RPS6KC1: variants seen among roughly 807,000 people sequenced by gnomAD.
The protein encoded by RPS6KC1 is ribosomal protein S6 kinase C1.
Under a neutral mutation model 103.8 loss-of-function variants are expected in RPS6KC1, and 54 were observed. That is an observed-to-expected ratio of 0.52 (90% CI 0.42 to 0.65). The LOEUF (loss-of-function observed/expected upper bound fraction) is 0.65. Among genes scored for constraint, RPS6KC1 ranks in the 30% least tolerant of loss-of-function variants. The pLI is 0.00. For synonymous variants in RPS6KC1, 439 were observed against 438.7 expected, an observed-to-expected ratio of 1.00 and a Z score of -0.01; for missense variants, 1,151 against 1,253.8, an observed-to-expected ratio of 0.92 and a Z score of 1.24.
At chr1:213,809,383 G>A in the RPS6KC1 span, among the ~76,000 whole-genome samples, 2 of 152,056 alleles carry the variant, frequency 1.3e-5, no homozygotes, top group African/African-American at 2.4e-5. Flanking sequence ...CAGATATAAC[G>A]ATAATTTAAA....
intron 8 of RPS6KC1, among the ~76,000 whole-genome samples, chr1:213,190,164 A>G (rs2092697637): frequency 6.6e-6 from 1 of 152,168 alleles, no homozygotes; most frequent in Admixed American, 6.6e-5. Context: ...TTTTGGGTAT[A>G]TACCTAAGAG....
chr1:213,130,026 A>G (rs2085427200), intron 6 of RPS6KC1, 137 bp downstream of exon 6: 2 of 768,744 alleles, frequency 2.6e-6, no homozygotes, highest in African/African-American at 1.8e-5. Context: ...TAAAAGACCT[A>G]TATATGGATA....
At chr1:213,093,208 CTTTTT>C (rs778283618) in intron 3 of RPS6KC1, among the ~76,000 whole-genome samples, 2 of 136,222 alleles carry the variant, frequency 1.5e-5, no homozygotes, top group Non-Finnish European at 3.2e-5. Context: ...TAATAATCTA[CTTTTT>C]TTTTTTTTTT....
chr1:213,805,454 T>A, the RPS6KC1 span, among the ~76,000 whole-genome samples: 1 of 152,238 alleles, frequency 6.6e-6, no homozygotes. Context: ...CAGGAGTAGA[T>A]TTCATCTCAA....
the RPS6KC1 span, among the ~76,000 whole-genome samples, chr1:213,396,108 G>A: frequency 6.6e-6 from 1 of 152,326 alleles, no homozygotes; most frequent in Non-Finnish European, 1.5e-5. Flanking sequence ...ACCATGCAGT[G>A]AGTTGGAGGC....
chr1:213,688,345 C>T, the RPS6KC1 span, among the ~76,000 whole-genome samples: 2 of 152,156 alleles, frequency 1.3e-5, no homozygotes, highest in African/African-American at 2.4e-5. Flanking sequence ...ACTTATATCA[C>T]CTCTTTTATT....
the RPS6KC1 span, among the ~76,000 whole-genome samples, chr1:213,540,147 T>G: frequency 2.0e-5 from 3 of 152,100 alleles, no homozygotes; most frequent in African/African-American, 7.2e-5. Flanking sequence ...GGTTCTTGCT[T>G]TGTCATCCTG....
At chr1:213,168,108 T>C in intron 7 of RPS6KC1, 135 bp downstream of exon 7, 1 of 549,170 alleles carries the variant, frequency 1.8e-6, no homozygotes, top group South Asian at 2.7e-5. Flanking sequence ...AGGTTGTTGG[T>C]AGAAAGAAAT....
chr1:213,629,574 C>G, the RPS6KC1 span, among the ~76,000 whole-genome samples: 1 of 152,070 alleles, frequency 6.6e-6, no homozygotes, highest in Non-Finnish European at 1.5e-5. Context: ...GAGCATTTAG[C>G]CCATTTACAT....
the RPS6KC1 span, among the ~76,000 whole-genome samples, chr1:213,473,381 T>C: frequency 6.6e-6 from 1 of 152,200 alleles, no homozygotes; most frequent in Non-Finnish European, 1.5e-5. Flanking sequence ...CTGACCCCAA[T>C]AAACCACAGT....
the RPS6KC1 span, chr1:213,492,611 C>T: frequency 6.6e-6 from 1 of 152,240 alleles, no homozygotes; most frequent in Non-Finnish European, 1.5e-5. Context: ...GACTTACAAG[C>T]AGCTGAATAG....
At chr1:213,574,473 A>G in the RPS6KC1 span, among the ~76,000 whole-genome samples, 2 of 152,230 alleles carry the variant, frequency 1.3e-5, no homozygotes, top group Non-Finnish European at 1.5e-5. Context: ...TTGTCCTGGA[A>G]TTATACCCTG....
chr1:213,784,145 T>G, the RPS6KC1 span, among the ~76,000 whole-genome samples: 1 of 152,318 alleles, frequency 6.6e-6, no homozygotes, highest in South Asian at 2.1e-4. Flanking sequence ...GAGCACCCAC[T>G]TGATGCTGAC....
the RPS6KC1 span, among the ~76,000 whole-genome samples, chr1:213,625,734 C>T: frequency 6.6e-6 from 1 of 152,182 alleles, no homozygotes; most frequent in Non-Finnish European, 1.5e-5. Context: ...CCAGCTTCAA[C>T]CATGTCCCTA....
In RPS6KC1 at chr1:213,232,154, A is replaced by G. The variant is rs755203550; in HGVS notation, c.1124A>G (p.Asn375Ser). 84 of 1,613,864 alleles carry G rather than the reference A, an allele frequency of 5.2e-5. No individual in the cohort carries two copies. The highest frequency in any genetic ancestry group is 2.2e-4 in the Admixed American group (13 of 59,952). Reference protein sequence around the residue: ...GLRKSSEYSRNRKTIIPRCVP... With the variant: ...GLRKSSEYSRSRKTIIPRCVP... ...AGGAAAAGCAGTGAATACAGCAGGA[A>G]CAGAAAGACCATCATCCCCCGCTGT... is the stretch of plus-strand genomic sequence containing the variant. The change falls in exon 10 of 15, where the codon AAC becomes AGC. Residue 375 changes from asparagine (N) to serine (S), a missense_variant. This residue lies in a region of RPS6KC1 where 959 missense variants were observed against 1,006.3 expected (regional missense o/e 0.95). Coordinates refer to ENST00000366960, the MANE Select transcript of RPS6KC1 (RefSeq NM_012424.6).
chr1:213,056,703 G>A (rs897201829), intron 1 of RPS6KC1, among the ~76,000 whole-genome samples: 2 of 152,096 alleles, frequency 1.3e-5, no homozygotes, highest in African/African-American at 4.8e-5. Flanking sequence ...CCTGGGAATG[G>A]AATTATTTGT....
chr1:213,324,818 G>C, the RPS6KC1 span, among the ~76,000 whole-genome samples: 1 of 151,884 alleles, frequency 6.6e-6, no homozygotes, highest in Non-Finnish European at 1.5e-5. Flanking sequence ...TAGACATTCT[G>C]CTTAGGTGAA....
At chr1:213,844,886 C>G in the RPS6KC1 span, among the ~76,000 whole-genome samples, 2 of 152,258 alleles carry the variant, frequency 1.3e-5, no homozygotes, top group East Asian at 3.9e-4. Flanking sequence ...TGCACACCTT[C>G]CCTACCTCCA....
chr1:213,624,009 G>A, the RPS6KC1 span, among the ~76,000 whole-genome samples: 1 of 152,160 alleles, frequency 6.6e-6, no homozygotes. Flanking sequence ...GTGTGTGGAG[G>A]GGCAACAGAA....
Sources: gnomAD v4.1 joint callset for allele counts (sites outside exome capture counted in the v4.1 genomes callset) on GRCh38, gnomAD v4.1.1 for gene constraint, gnomAD v4.1.1 regional missense constraint, MANE v1.5 for transcripts, NCBI Gene and HGNC (gene_info 2026-07-23, HGNC 2026-07-21) for gene names.